AKAP13: variants seen among roughly 807,000 people sequenced by gnomAD.
AKAP13 encodes A-kinase anchoring protein 13, also known as A-kinase anchor protein 13.
Under a neutral mutation model 264.5 loss-of-function variants are expected in AKAP13, and 80 were observed. The ratio of observed to expected loss-of-function variants is 0.30; its 90% confidence interval spans 0.25 to 0.36. The LOEUF (loss-of-function observed/expected upper bound fraction) is 0.36, where lower values mean the gene tolerates loss of function less well. Among genes scored for constraint, AKAP13 ranks in the 10% least tolerant of loss-of-function variants. The probability of loss-of-function intolerance (pLI) is 1.00; values close to 1 mark genes in which losing one functional copy is unlikely to be tolerated. For missense variants in AKAP13, 3,712 were observed against 3,435.2 expected (o/e 1.08, Z -2.01); for synonymous variants, 1,380 against 1,250.2 (o/e 1.10, Z -2.19).
intron 8 of AKAP13, among the ~76,000 whole-genome samples, chr15:85,623,822 G>T (rs1365395369): frequency 1.3e-5 from 2 of 152,172 alleles, no homozygotes; most frequent in African/African-American, 4.8e-5. Flanking sequence ...ATGCACTTCT[G>T]ACTCTTACAG....
At chr15:85,393,132 G>A (rs1006780987) in intron 1 of AKAP13, among the ~76,000 whole-genome samples, 3 of 152,164 alleles carry the variant, frequency 2.0e-5, no homozygotes, top group African/African-American at 4.8e-5. Context: ...AGGGAGGTCC[G>A]TTGTGACATT....
intron 1 of AKAP13, among the ~76,000 whole-genome samples, chr15:85,459,994 T>C (rs1243034681): frequency 6.6e-6 from 1 of 152,220 alleles, no homozygotes; most frequent in African/African-American, 2.4e-5. Context: ...CTAGTTTTTA[T>C]CAGGACAGCT....
At position 85,741,249 on chromosome 15, in the gene AKAP13, G is replaced by C; in HGVS notation, c.7812G>C (p.Glu2604Asp). 1 of 1,609,726 alleles carries C rather than the reference G, an allele frequency of 6.2e-7. No individual in the cohort carries two copies. The highest frequency in any genetic ancestry group is 1.1e-5 in the South Asian group (1 of 90,526). The change falls in exon 35 of 37, where the codon GAG becomes GAC. Residue 2604 changes from glutamate (E) to aspartate (D), a missense_variant. Physicochemically the swap from Glu to Asp is conservative, Grantham distance 45. Transcript: ENST00000394518. Reference protein sequence around the residue: ...YLEEKRRREREWEARERELRE... With the variant: ...YLEEKRRRERDWEARERELRE... ...AGGAGAAGCGCAGGCGCGAGCGTGA[G>C]TGGGAAGCTCGTGAGAGGGAGCTGC...
At chr15:85,570,245 G>A (rs2078768078) in intron 5 of AKAP13, among the ~76,000 whole-genome samples, 1 of 152,106 alleles carries the variant, frequency 6.6e-6, no homozygotes, top group African/African-American at 2.4e-5. Flanking sequence ...GAGTTCAGGA[G>A]TTCAAGACCA....
chr15:85,517,299 C>A (rs1342341218), intron 2 of AKAP13, among the ~76,000 whole-genome samples: 1 of 152,112 alleles, frequency 6.6e-6, no homozygotes, highest in Non-Finnish European at 1.5e-5. Context: ...CATCCCTGCA[C>A]TGTAATTTGA....
At chr15:85,689,700 C>T (rs2085164056) in intron 16 of AKAP13, among the ~76,000 whole-genome samples, 1 of 152,192 alleles carries the variant, frequency 6.6e-6, no homozygotes, top group Non-Finnish European at 1.5e-5. Flanking sequence ...CCTTAACTTC[C>T]CGTGTAAAAA....
chr15:85,576,344 A>G (rs1192682730), intron 6 of AKAP13, among the ~76,000 whole-genome samples: 1 of 152,220 alleles, frequency 6.6e-6, no homozygotes, highest in African/African-American at 2.4e-5. Flanking sequence ...ATTTAAATAT[A>G]GTGTTACTAT....
chr15:85,581,108 G>T lies in AKAP13; in HGVS notation c.3040G>T (p.Ala1014Ser), dbSNP rs138265569. The change falls in exon 7 of 37, where the codon GCC becomes TCC. Residue 1014 changes from alanine to serine, a missense_variant. Physicochemically the swap from Ala to Ser is moderately conservative, Grantham distance 99. This residue lies in a region of AKAP13 where 2,759 missense variants were observed against 2,411.7 expected (regional missense o/e 1.14). Coordinates refer to ENST00000394518, the MANE Select transcript of AKAP13 (RefSeq NM_007200.5). ...CTCACTGCTGACTCAAGGTGGGGCTGCCCAGAGCCTGGTGCCACCAGGAGC... is the reference window on the plus strand; with the variant it reads ...CTCACTGCTGACTCAAGGTGGGGCTTCCCAGAGCCTGGTGCCACCAGGAGC... ...QVSLLTQGGA[A>S]QSLVPPGASL... 4.2e-5 allele frequency: 68 copies of T among 1,613,966 alleles called. No individual in the cohort carries two copies. In the African/African-American group the frequency reaches 7.7e-4, roughly 18 times the overall value.
At chr15:85,643,199 A>ATTTT (rs10674019) in intron 9 of AKAP13, among the ~76,000 whole-genome samples, 17 of 145,600 alleles carry the variant, frequency 1.2e-4, no homozygotes, top group Admixed American at 2.7e-4. Flanking sequence ...TTCCTATGGC[A>ATTTT]TTTTTTTTTT....
At chr15:85,381,378 C>T (rs1244162091) in intron 1 of AKAP13, among the ~76,000 whole-genome samples, 1 of 151,692 alleles carries the variant, frequency 6.6e-6, no homozygotes, top group African/African-American at 2.4e-5. Flanking sequence ...AGCTGACCCG[C>T]GCGGGTCGCA....
intron 2 of AKAP13, among the ~76,000 whole-genome samples, chr15:85,497,783 T>C (rs932659669): frequency 2.0e-5 from 3 of 152,168 alleles, no homozygotes; most frequent in Non-Finnish European, 4.4e-5. Context: ...TGGTCAGCAC[T>C]GATAAAGGAA....
At chr15:85,653,026 C>A (rs571435221) in intron 10 of AKAP13, among the ~76,000 whole-genome samples, 1 of 152,284 alleles carries the variant, frequency 6.6e-6, no homozygotes, top group Admixed American at 6.5e-5. Context: ...CAACCCAGTA[C>A]AGTGAGAAAG....
At chr15:85,650,864 G>A (rs1357526864) in intron 10 of AKAP13, among the ~76,000 whole-genome samples, 3 of 149,478 alleles carry the variant, frequency 2.0e-5, no homozygotes, top group South Asian at 2.1e-4. Context: ...CAGTGGTAAT[G>A]CTTGTAATCA....
chr15:85,499,987 T>C (rs2075998965), intron 2 of AKAP13, among the ~76,000 whole-genome samples: 1 of 152,234 alleles, frequency 6.6e-6, no homozygotes, highest in African/African-American at 2.4e-5. Context: ...TGTTTCCAAG[T>C]AGAATTAAAG....
At chr15:85,430,821 A>G (rs181035975) in intron 1 of AKAP13, among the ~76,000 whole-genome samples, 2 of 152,318 alleles carry the variant, frequency 1.3e-5, no homozygotes, top group Admixed American at 1.3e-4. Context: ...TGTTATCCAC[A>G]TTTTGCAGGT....
At position 85,581,386 on chromosome 15, in the gene AKAP13, G is replaced by T. The variant is rs1228531599; in HGVS notation, c.3318G>T (p.Glu1106Asp). 6.2e-7 allele frequency: 1 copy of T among 1,614,212 alleles called. No homozygotes were observed. ...AAGGTATGGCTGAGCCCAGAAGAGA[G>T]AATATATCACACAACACCCAAGACA... Reference protein sequence around the residue: ...ALQGMAEPRRENISHNTQDIL... With the variant: ...ALQGMAEPRRDNISHNTQDIL... Residue 1106 changes from glutamate to aspartate, a missense_variant, in exon 7 of 37, where the codon GAG becomes GAT. By Grantham distance (45) the Glu-to-Asp change is conservative. Transcript: ENST00000394518.
intron 1 of AKAP13, among the ~76,000 whole-genome samples, chr15:85,381,521 C>CTTTTTTTTTTTTTT (rs1168869870): frequency 3.1e-5 from 2 of 64,290 alleles, no homozygotes; most frequent in Non-Finnish European, 2.6e-5. Flanking sequence ...CGGTTTACTG[C>CTTTTTTTTTTTTTT]TTTTTTTTTT....
At chr15:85,700,814 G>C (rs528534433) in intron 17 of AKAP13, among the ~76,000 whole-genome samples, 1 of 152,010 alleles carries the variant, frequency 6.6e-6, no homozygotes, top group South Asian at 2.1e-4. Flanking sequence ...TGCAAGGCAA[G>C]CCATTAAAAA....
At chr15:85,569,632 T>C (rs558792859) in intron 5 of AKAP13, among the ~76,000 whole-genome samples, 118 of 152,000 alleles carry the variant, frequency 7.8e-4, no homozygotes, top group Non-Finnish European at 1.5e-3. Flanking sequence ...TTTGTATTTT[T>C]GGTAGAGAGG....
Sources: gnomAD v4.1 joint callset for allele counts (sites outside exome capture counted in the v4.1 genomes callset) on GRCh38, gnomAD v4.1.1 for gene constraint, gnomAD v4.1.1 regional missense constraint, MANE v1.5 for transcripts, NCBI Gene and HGNC (gene_info 2026-07-23, HGNC 2026-07-21) for gene names.